The following ABHD8 variants were observed in gnomAD, a reference collection of about 807,000 sequenced individuals.
The protein encoded by ABHD8 is protein ABHD8.
In ABHD8, 10 loss-of-function variants were observed where a neutral mutation model predicts 29.3. That is an observed-to-expected ratio of 0.34 (90% CI 0.21 to 0.58). The LOEUF is 0.58. ABHD8 is among the 20% of genes least tolerant of loss of function. The pLI is 0.85. For synonymous variants in ABHD8, 282 were observed against 274.6 expected, an observed-to-expected ratio of 1.03 and a Z score of -0.27; for missense variants, 556 against 615.3, an observed-to-expected ratio of 0.90 and a Z score of 1.02.
intron 2 of ABHD8, among the ~76,000 whole-genome samples, chr19:17,300,120 G>T (rs2074110948): frequency 6.6e-6 from 1 of 151,968 alleles, no homozygotes; most frequent in Non-Finnish European, 1.5e-5. Flanking sequence ...TAGCCAGGAT[G>T]GTCTCAATCT....
intron 2 of ABHD8, 77 bp from the exon 3 acceptor site, chr19:17,294,922 T>C (rs1323772597): frequency 1.0e-5 from 16 of 1,532,204 alleles, no homozygotes; most frequent in Non-Finnish European, 1.4e-5. Context: ...CATTTTGTTT[T>C]GCTTTGTTTT....
chr19:17,298,264 T>C (rs1331044390), intron 2 of ABHD8: 2 of 152,102 alleles, frequency 1.3e-5, no homozygotes, highest in South Asian at 2.1e-4. Context: ...AAAACAGTGG[T>C]GCTCAACTTG....
chr19:17,301,808 G>GTGTT (rs1491251074), intron 1 of ABHD8, among the ~76,000 whole-genome samples, 184 bp from the exon 2 acceptor site: 22 of 142,496 alleles, frequency 1.5e-4, no homozygotes, highest in African/African-American at 4.6e-4. Context: ...GTGTGTGTGT[G>GTGTT]TTTTTGAGAC....
In ABHD8 at chr19:17,301,314, G is replaced by T. The variant is rs372720665; in HGVS notation, c.303C>A (p.Ala101=). 8.7e-6 allele frequency: 14 copies of T among 1,607,086 alleles called. No individual in the cohort carries two copies. The highest frequency in any genetic ancestry group is 1.1e-5 in the Non-Finnish European group (13 of 1,179,814). The change falls in exon 2 of 5, where the codon GCC becomes GCA. Residue 101 remains alanine, a synonymous_variant. Coordinates refer to ENST00000247706, the MANE Select transcript of ABHD8 (RefSeq NM_024527.5). ...AGCCATTCTGCCCGTGTAGGAGGTCGGCTCGAGGGGCTCGGCCCAGGTTTT... is the reference window on the plus strand; with the variant it reads ...AGCCATTCTGCCCGTGTAGGAGGTCTGCTCGAGGGGCTCGGCCCAGGTTTT... ...LVENLGRAPR[A]DLLHGQNGSG...
intron 2 of ABHD8, among the ~76,000 whole-genome samples, chr19:17,300,346 T>A (rs1231538298): frequency 6.6e-6 from 1 of 151,500 alleles, no homozygotes; most frequent in Non-Finnish European, 1.5e-5. Context: ...TGGAACTATA[T>A]GCGTGCACCT....
intron 2 of ABHD8, among the ~76,000 whole-genome samples, chr19:17,299,283 C>T (rs1234502183): frequency 7.0e-6 from 1 of 143,428 alleles, no homozygotes; most frequent in Non-Finnish European, 1.5e-5. Context: ...GAAAATTGGC[C>T]TGGTGCGTTG....
Position 17,303,372 on chromosome 19 carries a change from CCCCTGGCGGTCAGCGCAGGG to C in ABHD8, c.-159_-140del, listed in dbSNP as rs1478286889. On this transcript the variant is annotated 5_prime_UTR_variant, in exon 1 of 5. The change abolishes the stop of an existing upstream ORF in the 5' untranslated region. Coordinates refer to ENST00000247706, the MANE Select transcript of ABHD8 (RefSeq NM_024527.5). The stretch of plus-strand genomic sequence containing the variant: ...GTGCGTCTACGCGGGCGGGCACCTG[CCCCTGGCGGTCAGCGCAGGG>C]GCATCCCGCGGCCGCCGAAACAGCC... 1 of 152,278 alleles carries C rather than the reference CCCCTGGCGGTCAGCGCAGGG, an allele frequency of 6.6e-6. No homozygotes were observed. The highest frequency in any genetic ancestry group is 1.9e-4 in the East Asian group (1 of 5,202). The allele number at this position is 152,278 out of a possible 1,614,324, so 9.4% of individuals were successfully genotyped here.
At chr19:17,295,090 ATTTTTTT>A (rs779607230) in intron 2 of ABHD8, among the ~76,000 whole-genome samples, 6 of 80,416 alleles carry the variant, frequency 7.5e-5, no homozygotes, top group South Asian at 5.3e-4. Context: ...CACCCAGGTA[ATTTTTTT>A]TTTTTTTTTT....
In ABHD8 at chr19:17,292,538, AC is replaced by A. The variant is rs2074075272; in HGVS notation, c.*122del. ...CAGGCAGCCTGGGGGCGTCTCCCTG[AC>A]CTGGCCCCGCCCACCGGAGCGAACG... On this transcript the variant is annotated 3_prime_UTR_variant, in exon 5 of 5. Coordinates refer to ENST00000247706, the MANE Select transcript of ABHD8 (RefSeq NM_024527.5). 1.6e-6 allele frequency: 2 copies of A among 1,214,438 alleles called. No individual in the cohort carries two copies. Among genetic ancestry groups the A allele is most frequent in the Admixed American group, 3.1e-5 (1 of 31,768 alleles). The allele number at this position is 1,214,438 out of a possible 1,614,324, so 75.2% of individuals were successfully genotyped here.
At chr19:17,297,947 C>G (rs2074100905) in intron 2 of ABHD8, 1 of 144,580 alleles carries the variant, frequency 6.9e-6, no homozygotes, top group Non-Finnish European at 1.5e-5. Context: ...TGGAGTCTCA[C>G]TCTGTCACCC....
At chr19:17,297,414 G>T (rs2074097925) in intron 2 of ABHD8, among the ~76,000 whole-genome samples, 1 of 152,054 alleles carries the variant, frequency 6.6e-6, no homozygotes, top group Non-Finnish European at 1.5e-5. Context: ...TCCTGCCTCA[G>T]CCTCCCAAGT....
intron 4 of ABHD8, among the ~76,000 whole-genome samples, chr19:17,294,026 T>TG (rs555784890): frequency 2.2e-3 from 329 of 152,212 alleles, no homozygotes; most frequent in Non-Finnish European, 3.3e-3. Flanking sequence ...CTTACAGCGG[T>TG]GGGGACAGTG....
At chr19:17,297,172 G>A (rs944691924) in intron 2 of ABHD8, among the ~76,000 whole-genome samples, 5 of 152,238 alleles carry the variant, frequency 3.3e-5, no homozygotes, top group Non-Finnish European at 7.3e-5. Flanking sequence ...CTTCCTGTAT[G>A]CCTTTGGGCA....
chr19:17,294,216 G>A (rs534779612), intron 4 of ABHD8, 72 bp downstream of exon 4: 4 of 1,525,814 alleles, frequency 2.6e-6, no homozygotes, highest in African/African-American at 1.4e-5. Flanking sequence ...CACGCCCCCC[G>A]CAGAGGCCAC....
At chr19:17,293,342 C>A (rs1032441322) in intron 4 of ABHD8, among the ~76,000 whole-genome samples, 3 of 151,942 alleles carry the variant, frequency 2.0e-5, no homozygotes, top group Non-Finnish European at 2.9e-5. Flanking sequence ...GGCGATCTGC[C>A]CGCCTCGGTC....
chr19:17,296,795 A>C (rs1241304965), intron 2 of ABHD8: 1 of 151,862 alleles, frequency 6.6e-6, no homozygotes, highest in Non-Finnish European at 1.5e-5. Context: ...CCCGGGTTCA[A>C]GTGATTCTCC....
Position 17,292,666 on chromosome 19 carries a change from T to C in ABHD8, c.1315A>G (p.Lys439Glu), listed in dbSNP as rs2074076128. 1.2e-6 allele frequency: 2 copies of C among 1,609,792 alleles called. No individual in the cohort carries two copies. The highest frequency in any genetic ancestry group is 2.7e-5 in the African/African-American group (2 of 74,854). ...EPLPAPPEDK[K>E] Reference sequence around the variant, plus strand: ...ATGCCCCGCCGGCCCAGCGGCTACTTCTTGTCTTCTGGAGGCGCCGGCAGT... The same window carrying C: ...ATGCCCCGCCGGCCCAGCGGCTACTCCTTGTCTTCTGGAGGCGCCGGCAGT... The change falls in exon 5 of 5, where the codon AAG becomes GAG. Residue 439 changes from lysine (K) to glutamate (E), a missense_variant. Transcript: ENST00000247706.
chr19:17,295,697 T>C (rs1053375118), intron 2 of ABHD8, among the ~76,000 whole-genome samples: 1 of 151,996 alleles, frequency 6.6e-6, no homozygotes, highest in Non-Finnish European at 1.5e-5. Flanking sequence ...CATGAGCCAC[T>C]GGGCTGGCCT....
intron 1 of ABHD8, among the ~76,000 whole-genome samples, chr19:17,302,698 T>C (rs1425743095): frequency 1.3e-5 from 2 of 152,180 alleles, no homozygotes; most frequent in Admixed American, 1.3e-4. Context: ...GGATCTGCTA[T>C]ACAAGTCCCC....
Sources: allele counts gnomAD v4.1 joint callset (sites outside exome capture counted in the v4.1 genomes callset), GRCh38; gene constraint gnomAD v4.1.1; transcripts MANE v1.5; gene names NCBI Gene and HGNC (gene_info 2026-07-23, HGNC 2026-07-21).